The following LRP1B variants were observed in gnomAD, a reference collection of about 807,000 sequenced individuals.
LRP1B encodes low-density lipoprotein receptor-related protein 1B.
LRP1B carries 217 observed loss-of-function variants against 556.6 expected under a neutral mutation model. The observed-to-expected ratio is 0.39, with a 90% confidence interval of 0.35 to 0.44. The LOEUF is 0.44. LRP1B is among the 20% of genes least tolerant of loss of function. LRP1B has a pLI of 1.00. For synonymous variants in LRP1B, 2,047 were observed against 1,865.8 expected (o/e 1.10, Z -2.50); for missense variants, 5,053 against 5,620.8 (o/e 0.90, Z 3.23).
At chr2:141,202,160 C>T (rs1170420205) in intron 6 of LRP1B, among the ~76,000 whole-genome samples, 2 of 150,052 alleles carry the variant, frequency 1.3e-5, no homozygotes, top group Middle Eastern at 3.4e-3. Flanking sequence ...CCACCTCATG[C>T]GTCCATGTGT....
intron 18 of LRP1B, among the ~76,000 whole-genome samples, chr2:140,965,663 G>C (rs530543508): frequency 6.6e-6 from 1 of 151,902 alleles, no homozygotes. Flanking sequence ...CCATTAACTC[G>C]TCATTTACAT....
intron 7 of LRP1B, among the ~76,000 whole-genome samples, chr2:141,116,855 C>T (rs1043880777): frequency 1.3e-5 from 2 of 152,024 alleles, no homozygotes; most frequent in Non-Finnish European, 2.9e-5. Context: ...TCTTACCACA[C>T]ATTGATTGTA....
intron 41 of LRP1B, among the ~76,000 whole-genome samples, chr2:140,612,256 T>A (rs1683097592): frequency 1.3e-5 from 2 of 152,158 alleles, no homozygotes; most frequent in African/African-American, 4.8e-5. Flanking sequence ...TATTTTTAAA[T>A]ATGTTCATAT....
chr2:141,623,210 T>C (rs1468232231), intron 2 of LRP1B, among the ~76,000 whole-genome samples: 2 of 152,232 alleles, frequency 1.3e-5, no homozygotes, highest in African/African-American at 4.8e-5. Context: ...AACATTCATG[T>C]TAACTCGCAT....
intron 66 of LRP1B, among the ~76,000 whole-genome samples, chr2:140,392,808 G>T (rs535624743): frequency 6.6e-6 from 1 of 152,224 alleles, no homozygotes; most frequent in South Asian, 2.1e-4. Context: ...ATGTTTTCAT[G>T]CTTTCATGTT....
intron 3 of LRP1B, among the ~76,000 whole-genome samples, chr2:141,280,158 A>G (rs1270376503): frequency 1.3e-5 from 2 of 152,040 alleles, no homozygotes; most frequent in Non-Finnish European, 2.9e-5. Flanking sequence ...CAAATTGTGA[A>G]TGGGTTTCAA....
intron 1 of LRP1B, among the ~76,000 whole-genome samples, chr2:142,049,764 C>T (rs539196632): frequency 2.0e-5 from 3 of 152,108 alleles, no homozygotes; most frequent in Non-Finnish European, 4.4e-5. Context: ...TATTGAAACA[C>T]TGATTCCATT....
At chr2:141,232,326 G>C (rs1419364632) in intron 5 of LRP1B, among the ~76,000 whole-genome samples, 1 of 152,140 alleles carries the variant, frequency 6.6e-6, no homozygotes, top group Non-Finnish European at 1.5e-5. Flanking sequence ...TCAGTCCTTA[G>C]TGTCTTCATT....
intron 60 of LRP1B, among the ~76,000 whole-genome samples, chr2:140,463,167 C>T (rs571643797): frequency 6.6e-6 from 1 of 152,070 alleles, no homozygotes; most frequent in South Asian, 2.1e-4. Flanking sequence ...AGATTCATGA[C>T]AGTGGCCAGT....
At chr2:141,036,573 C>T (rs1381675245) in intron 11 of LRP1B, among the ~76,000 whole-genome samples, 1 of 151,976 alleles carries the variant, frequency 6.6e-6, no homozygotes, top group Non-Finnish European at 1.5e-5. Context: ...ACCCTTTTTC[C>T]TCCAAAGGCA....
chr2:141,199,434 C>T (rs937776482), intron 6 of LRP1B, among the ~76,000 whole-genome samples: 9 of 151,950 alleles, frequency 5.9e-5, no homozygotes, highest in African/African-American at 2.2e-4. Flanking sequence ...CAAAATATTG[C>T]TCCTTTACTT....
chr2:142,089,503 A>G (rs1410337880), intron 1 of LRP1B, among the ~76,000 whole-genome samples: 1 of 152,222 alleles, frequency 6.6e-6, no homozygotes, highest in Non-Finnish European at 1.5e-5. Context: ...AAAGTATCCC[A>G]TGCTTCAGGC....
chr2:140,331,626 AGAG>A (rs1053047153), intron 79 of LRP1B, among the ~76,000 whole-genome samples: 30 of 151,326 alleles, frequency 2.0e-4, no homozygotes, highest in Admixed American at 7.3e-4. Flanking sequence ...CCCCTGGCTC[AGAG>A]GACTATATTA....
intron 3 of LRP1B, among the ~76,000 whole-genome samples, chr2:141,406,766 A>C (rs974081664): frequency 1.3e-5 from 2 of 152,146 alleles, no homozygotes; most frequent in Admixed American, 1.3e-4. Flanking sequence ...GATCATGTCT[A>C]TACCATATTT....
intron 84 of LRP1B, among the ~76,000 whole-genome samples, chr2:140,292,064 T>C (rs1355812825): frequency 2.0e-5 from 3 of 152,190 alleles, no homozygotes; most frequent in Admixed American, 6.5e-5. Flanking sequence ...TGGCCAGTGA[T>C]GATGAGCATT....
intron 1 of LRP1B, among the ~76,000 whole-genome samples, chr2:142,125,855 A>G (rs2105019694): frequency 6.6e-6 from 1 of 152,012 alleles, no homozygotes; most frequent in East Asian, 1.9e-4. Context: ...AAACCAAAAG[A>G]AAAACCTTCT....
intron 1 of LRP1B, among the ~76,000 whole-genome samples, chr2:141,893,562 G>C (rs926054059): frequency 6.6e-6 from 1 of 151,962 alleles, no homozygotes; most frequent in African/African-American, 2.4e-5. Context: ...TTCAAACTTT[G>C]AGAAATAGAA....
intron 43 of LRP1B, among the ~76,000 whole-genome samples, chr2:140,586,941 GC>G (rs1366462215): frequency 6.6e-6 from 1 of 151,494 alleles, no homozygotes; most frequent in Non-Finnish European, 1.5e-5. Flanking sequence ...TTTAAAAGTA[GC>G]TATAATAAAA....
chr2:141,353,771 A>T (rs1204810725), intron 3 of LRP1B, among the ~76,000 whole-genome samples: 1 of 151,928 alleles, frequency 6.6e-6, no homozygotes, highest in Admixed American at 6.6e-5. Flanking sequence ...GGGCTCAATA[A>T]ATGCTCTTTT....
Sources: gnomAD v4.1 joint callset for allele counts (sites outside exome capture counted in the v4.1 genomes callset) on GRCh38, gnomAD v4.1.1 for gene constraint, MANE v1.5 for transcripts, NCBI Gene and HGNC (gene_info 2026-07-23, HGNC 2026-07-21) for gene names.